RNF180: variants seen among roughly 807,000 people sequenced by gnomAD.
RNF180 encodes the protein E3 ubiquitin-protein ligase RNF180.
In RNF180, 38 loss-of-function variants were observed where a neutral mutation model predicts 59.2. That is an observed-to-expected ratio of 0.64 (90% CI 0.50 to 0.84). The LOEUF (loss-of-function observed/expected upper bound fraction) is 0.84, where lower values mean the gene tolerates loss of function less well. RNF180 is among the 40% of genes least tolerant of loss of function. The probability of loss-of-function intolerance (pLI) is 0.00; values close to 1 mark genes in which losing one functional copy is unlikely to be tolerated. For missense variants in RNF180, 705 were observed against 700.9 expected (o/e 1.01, Z -0.07); for synonymous variants, 262 against 240.3 (o/e 1.09, Z -0.84).
chr5:64,296,728 G>A (rs1423334998), intron 5 of RNF180, among the ~76,000 whole-genome samples: 1 of 151,934 alleles, frequency 6.6e-6, no homozygotes, highest in African/African-American at 2.4e-5. Context: ...TTAGAATTTT[G>A]TTTTGCAACC....
chr5:64,367,926 A>G (rs570852006), intron 7 of RNF180, among the ~76,000 whole-genome samples: 4 of 151,838 alleles, frequency 2.6e-5, no homozygotes, highest in Admixed American at 6.6e-5. Context: ...GTCTTCAGAG[A>G]ATTGAATTTT....
intron 7 of RNF180, among the ~76,000 whole-genome samples, chr5:64,346,137 A>T (rs1745543407): frequency 6.6e-6 from 1 of 152,138 alleles, no homozygotes; most frequent in East Asian, 1.9e-4. Context: ...AATTTCAGGA[A>T]TTGGGCTTCC....
intron 2 of RNF180, among the ~76,000 whole-genome samples, chr5:64,201,168 G>A (rs899674951): frequency 5.3e-5 from 8 of 152,122 alleles, no homozygotes; most frequent in Admixed American, 1.3e-4. Flanking sequence ...CTTTAATTAC[G>A]AATGTTAATA....
At chr5:64,183,441 CTT>C (rs367772828) in intron 1 of RNF180, among the ~76,000 whole-genome samples, 21 of 89,890 alleles carry the variant, frequency 2.3e-4, no homozygotes, top group Middle Eastern at 7.7e-3. Flanking sequence ...GAAAGTATAC[CTT>C]TTTTTTTTTT....
Position 64,200,870 on chromosome 5 carries a change from T to C in RNF180, c.63T>C (p.Arg21=), listed in dbSNP as rs1298162279. ...GTCAAGAGGAAACAAGTATTCTTCG[T>C]TGTTGGAAATGTAGAAAATGTATAG... ...NHSQEETSIL[R]CWKCRKCIAS... The change falls in exon 2 of 8, where the codon CGT becomes CGC. Residue 21 remains arginine, a synonymous_variant. Transcript: ENST00000389100. The C allele has an allele frequency of 6.2e-7, 1 of 1,612,376 alleles. No homozygotes were observed. The highest frequency in any genetic ancestry group is 2.2e-5 in the East Asian group (1 of 44,832).
chr5:64,192,903 G>GTGTGTA (rs1486448173), intron 1 of RNF180, among the ~76,000 whole-genome samples: 2 of 93,888 alleles, frequency 2.1e-5, no homozygotes, highest in African/African-American at 8.3e-5. Context: ...AGTGTGGCAT[G>GTGTGTA]TATATATATA....
At chr5:64,350,349 C>A (rs1203428317) in intron 7 of RNF180, among the ~76,000 whole-genome samples, 2 of 151,914 alleles carry the variant, frequency 1.3e-5, no homozygotes, top group African/African-American at 4.8e-5. Context: ...AAAATTTTCT[C>A]CCGTTCTGTA....
chr5:64,200,857 C>A lies in RNF180; in HGVS notation c.50C>A (p.Thr17Lys), dbSNP rs1751706676. Reference sequence around the variant, plus strand: ...ACTAAAAATCATAGTCAAGAGGAAACAAGTATTCTTCGTTGTTGGAAATGT... The same window carrying A: ...ACTAAAAATCATAGTCAAGAGGAAAAAAGTATTCTTCGTTGTTGGAAATGT... ...LITKNHSQEE[T>K]SILRCWKCRK... The change falls in exon 2 of 8, where the codon ACA (threonine) becomes AAA (lysine). Residue 17 changes from threonine (T) to lysine (K), a missense_variant. Coordinates refer to ENST00000389100, the MANE Select transcript of RNF180 (RefSeq NM_001113561.2). 1 of 1,611,390 alleles carries A rather than the reference C, an allele frequency of 6.2e-7. No homozygotes were observed.
chr5:64,363,182 A>G (rs1209951438), intron 7 of RNF180, among the ~76,000 whole-genome samples: 2 of 151,752 alleles, frequency 1.3e-5, no homozygotes, highest in Non-Finnish European at 2.9e-5. Context: ...TCCTGTGTCC[A>G]GAATTGTATT....
intron 5 of RNF180, among the ~76,000 whole-genome samples, chr5:64,258,769 A>G (rs1744143191): frequency 6.6e-6 from 1 of 152,216 alleles, no homozygotes. Context: ...ATAATAACTG[A>G]TTAGTCATAG....
chr5:64,180,270 A>G (rs777731301), intron 1 of RNF180, among the ~76,000 whole-genome samples: 3 of 152,156 alleles, frequency 2.0e-5, no homozygotes, highest in Non-Finnish European at 4.4e-5. Context: ...GACCCAGCCT[A>G]TAGTCACAAG....
intron 1 of RNF180, among the ~76,000 whole-genome samples, chr5:64,190,021 G>A (rs1751061042): frequency 6.6e-6 from 1 of 152,180 alleles, no homozygotes; most frequent in Admixed American, 6.5e-5. Context: ...GGCTAAGGCT[G>A]TTTCTTCCTC....
chr5:64,201,965 C>T (rs1751776898), intron 2 of RNF180, among the ~76,000 whole-genome samples: 1 of 151,984 alleles, frequency 6.6e-6, no homozygotes, highest in African/African-American at 2.4e-5. Flanking sequence ...GGTCTCGAAC[C>T]GAATACTTTT....
At chr5:64,315,810 G>C (rs1438250662) in intron 5 of RNF180, among the ~76,000 whole-genome samples, 1 of 151,642 alleles carries the variant, frequency 6.6e-6, no homozygotes, top group Non-Finnish European at 1.5e-5. Flanking sequence ...ATGCTTTATG[G>C]GTACTTCCCA....
rs531551332 is a variant in RNF180 at position 64,317,586 on chromosome 5, A to T, written c.1228-7600A>T. 2.1e-5 allele frequency among the ~76,000 whole-genome samples: 3 copies of T among 141,722 alleles called. No individual in the cohort carries two copies. The South Asian group carries it at 6.6e-4, about 31-fold the overall frequency. The allele number at this position is 141,722 out of a possible 152,430, so 93.0% of individuals were successfully genotyped here. On this transcript the variant is annotated intron_variant, in intron 5 of 7. Transcript: ENST00000389100. ...CACATACATATATATACACATATAT[A>T]TACATATTTATACACACACACACAC...
At position 64,213,835 on chromosome 5, in the gene RNF180, G is replaced by A. The variant is rs139361682; in HGVS notation, c.509G>A (p.Arg170Gln). ...NRNHRLLNMARNNNDPGRLTE... is the reference protein window; with the variant it reads ...NRNHRLLNMAQNNNDPGRLTE... ...AATCACAGGCTTTTAAACATGGCCC[G>A]AAATAATAATGACCCTGGAAGATTA... The change falls in exon 4 of 8, where the codon CGA becomes CAA. Residue 170 changes from arginine (R) to glutamine (Q), a missense_variant. Physicochemically the swap from Arg to Gln is conservative, Grantham distance 43. Coordinates refer to ENST00000389100, the MANE Select transcript of RNF180 (RefSeq NM_001113561.2). 209 of 1,614,112 alleles carry A rather than the reference G, an allele frequency of 1.3e-4. 1 individual carries two copies. The highest frequency in any genetic ancestry group is 6.6e-4 in the Middle Eastern group (4 of 6,062).
chr5:64,343,006 T>A (rs1276678070), intron 7 of RNF180, among the ~76,000 whole-genome samples: 1 of 152,172 alleles, frequency 6.6e-6, no homozygotes, highest in South Asian at 2.1e-4. Flanking sequence ...TCTCTCACTC[T>A]GTCTGCCTGA....
intron 5 of RNF180, among the ~76,000 whole-genome samples, chr5:64,237,940 C>T (rs963498466): frequency 6.6e-6 from 1 of 152,134 alleles, no homozygotes; most frequent in African/African-American, 2.4e-5. Flanking sequence ...CCTGGGGCCT[C>T]CCTAGCTATG....
chr5:64,202,374 C>T (rs143504629), intron 2 of RNF180, among the ~76,000 whole-genome samples: 17 of 152,108 alleles, frequency 1.1e-4, no homozygotes, highest in African/African-American at 4.1e-4. Context: ...GAATATACCA[C>T]AGTTTATCAA....
Sources: gnomAD v4.1 joint callset for allele counts (sites outside exome capture counted in the v4.1 genomes callset) on GRCh38, gnomAD v4.1.1 for gene constraint, MANE v1.5 for transcripts, NCBI Gene and HGNC (gene_info 2026-07-23, HGNC 2026-07-21) for gene names.